STIM1: variants seen among roughly 807,000 people sequenced by gnomAD.
STIM1 encodes the protein stromal interaction molecule 1.
Under a neutral mutation model 74.7 loss-of-function variants are expected in STIM1, and 25 were observed. The observed-to-expected ratio is 0.33, with a 90% CI of 0.24 to 0.47. The LOEUF (loss-of-function observed/expected upper bound fraction) is 0.47. Ranked by LOEUF, STIM1 falls within the 20% of genes least tolerant of loss-of-function variation. The probability of loss-of-function intolerance (pLI) is 1.00; values close to 1 mark genes in which losing one functional copy is unlikely to be tolerated. For missense variants in STIM1, 728 were observed against 920.8 expected (o/e 0.79, Z 2.71); for synonymous variants, 328 against 348.8 (o/e 0.94, Z 0.66).
At chr11:3,911,649 A>C (rs1242513792) in intron 1 of STIM1, among the ~76,000 whole-genome samples, 1 of 151,736 alleles carries the variant, frequency 6.6e-6, no homozygotes, top group Non-Finnish European at 1.5e-5. Context: ...GGCCTCCCAC[A>C]GTGTTGGGTG....
At position 4,055,544 on chromosome 11, in the gene STIM1, A is replaced by G. The variant is rs2094281958; in HGVS notation, c.404A>G (p.Asp135Gly). 6.3e-7 allele frequency: 1 copy of G among 1,599,750 alleles called. No homozygotes were observed. Among genetic ancestry groups the G allele is most frequent in the Admixed American group, 1.7e-5 (1 of 58,308 alleles). Residue 135 changes from aspartate to glycine, a missense_variant, in exon 4 of 13, where the codon GAT becomes GGT. Around this residue, in one of 5 missense-constraint regions of STIM1, gnomAD observed 132 missense variants for 158.2 expected, o/e 0.83. Coordinates refer to ENST00000526596, the MANE Select transcript of STIM1 (RefSeq NM_001382567.1). ...TTCACAGTATACAATTGGACCGTGG[A>G]TGAGGTGGTACAGTGGCTGATCACA... Reference protein sequence around the residue: ...KSSEVYNWTVDEVVQWLITYV... With the variant: ...KSSEVYNWTVGEVVQWLITYV...
At chr11:3,989,355 C>G in intron 2 of STIM1, 1 of 799,530 alleles carries the variant, frequency 1.3e-6, no homozygotes, top group Non-Finnish European at 2.3e-6. Context: ...CCTTTTTCGG[C>G]TTCGCTTCCA....
At chr11:4,065,501 C>T (rs2094359791) in intron 5 of STIM1, among the ~76,000 whole-genome samples, 2 of 149,636 alleles carry the variant, frequency 1.3e-5, no homozygotes, top group Admixed American at 6.7e-5. Context: ...CAATATGTCT[C>T]TCTGCCTTTT....
chr11:4,033,300 C>A (rs1028536301), intron 3 of STIM1, among the ~76,000 whole-genome samples: 1 of 152,110 alleles, frequency 6.6e-6, no homozygotes, highest in Non-Finnish European at 1.5e-5. Flanking sequence ...GTGATGCCTC[C>A]GGCTTTGTTC....
At chr11:4,083,066 C>T in intron 9 of STIM1, 84 bp downstream of exon 9, 2 of 1,272,494 alleles carry the variant, frequency 1.6e-6, no homozygotes, top group South Asian at 2.4e-5. Flanking sequence ...ACACCAATTC[C>T]ATTTCCTCAT....
intron 1 of STIM1, among the ~76,000 whole-genome samples, chr11:3,964,816 G>A (rs148796416): frequency 6.6e-6 from 1 of 150,782 alleles, no homozygotes; most frequent in Non-Finnish European, 1.5e-5. Context: ...CCTCAGCCTC[G>A]TGGCCTCAAG....
intron 4 of STIM1, among the ~76,000 whole-genome samples, chr11:4,056,662 G>A (rs1021262937): frequency 1.3e-5 from 2 of 152,210 alleles, no homozygotes; most frequent in African/African-American, 4.8e-5. Flanking sequence ...TGCTGTCCAG[G>A]CCTAGCTGAG....
intron 5 of STIM1, among the ~76,000 whole-genome samples, chr11:4,069,177 A>G (rs913966064): frequency 1.3e-5 from 2 of 152,174 alleles, no homozygotes; most frequent in South Asian, 2.1e-4. Flanking sequence ...TACCAGGAAC[A>G]ATGTTAGTTC....
intron 3 of STIM1, among the ~76,000 whole-genome samples, chr11:4,049,324 A>ATT (rs369097214): frequency 0.012 from 1,649 of 133,828 alleles, 23 homozygotes; most frequent in Middle Eastern, 0.019. Context: ...TATCAGCTGG[A>ATT]TTTTTTTTTT....
At chr11:3,876,244 G>C (rs995067950) in intron 1 of STIM1, among the ~76,000 whole-genome samples, 1 of 152,164 alleles carries the variant, frequency 6.6e-6, no homozygotes, top group Non-Finnish European at 1.5e-5. Context: ...GGAAGCTTTT[G>C]GTTTAAGATA....
intron 3 of STIM1, among the ~76,000 whole-genome samples, chr11:4,038,954 C>A (rs1284913864): frequency 6.6e-6 from 1 of 152,104 alleles, no homozygotes; most frequent in Non-Finnish European, 1.5e-5. Context: ...AAAAATGTTA[C>A]AAGTAAATAC....
chr11:4,068,226 A>G (rs1031270195), intron 5 of STIM1, among the ~76,000 whole-genome samples: 2 of 152,208 alleles, frequency 1.3e-5, no homozygotes, highest in Admixed American at 6.5e-5. Flanking sequence ...GGGCAAAATA[A>G]TAGATCTGGT....
chr11:3,940,182 C>T lies in STIM1; in HGVS notation c.140-27370C>T, dbSNP rs1471825870. 3.3e-5 allele frequency among the ~76,000 whole-genome samples: 5 copies of T among 152,098 alleles called. No individual in the cohort carries two copies. The East Asian group carries it at 9.6e-4, about 29-fold the overall frequency. On this transcript the variant is annotated intron_variant, in intron 1 of 12. Transcript: ENST00000526596. Reference sequence around the variant, plus strand: ...ACAACAGTTCCGTCTTCTAGTGAGCCCAGACTTACCAATTTGGTTTGGCCA... The same window carrying T: ...ACAACAGTTCCGTCTTCTAGTGAGCTCAGACTTACCAATTTGGTTTGGCCA...
At chr11:4,074,832 C>T (rs1158744491) in intron 7 of STIM1, among the ~76,000 whole-genome samples, 153 bp downstream of exon 7, 4 of 152,106 alleles carry the variant, frequency 2.6e-5, no homozygotes, top group Non-Finnish European at 5.9e-5. Flanking sequence ...AATAAGAGTT[C>T]AAGTTGTAAA....
At chr11:3,994,463 C>CT (rs56255114) in intron 2 of STIM1, among the ~76,000 whole-genome samples, 7,049 of 134,324 alleles carry the variant, frequency 0.052, 602 homozygotes, top group African/African-American at 0.17. Flanking sequence ...CTTTTTCTTT[C>CT]TTTTTTTTTT....
At position 4,086,182 on chromosome 11, in the gene STIM1, C is replaced by T. The variant is rs79303381; in HGVS notation, c.1568-295C>T. The T allele has an allele frequency of 3.1e-4, 147 of 479,058 alleles. No individual in the cohort carries two copies. In the East Asian group the frequency reaches 5.7e-3, roughly 18 times the overall value. 29.7% of individuals were successfully genotyped at this position (479,058 alleles called of 1,614,324 possible). A position where few individuals can be genotyped will look rare whatever the true frequency, so the allele number is the denominator to read the frequency against. On this transcript the variant is annotated intron_variant, in intron 11 of 12. Transcript: ENST00000526596. ...ACCTTATCCCAAGCCCCTATCCTAC[C>T]CTTCCTTGCTTGTGTCTACCCACTA...
intron 2 of STIM1, among the ~76,000 whole-genome samples, chr11:3,969,253 G>A (rs180981945): frequency 6.6e-6 from 1 of 152,198 alleles, no homozygotes; most frequent in East Asian, 1.9e-4. Context: ...GGGAGGCCAA[G>A]GCAGGAGGAT....
intron 1 of STIM1, among the ~76,000 whole-genome samples, chr11:3,906,875 G>A (rs1382737889): frequency 2.6e-5 from 4 of 152,180 alleles, no homozygotes; most frequent in African/African-American, 7.2e-5. Flanking sequence ...TAGTACCATC[G>A]TATAGATAAG....
chr11:4,075,879 A>G (rs549715950), intron 7 of STIM1, among the ~76,000 whole-genome samples: 7 of 151,822 alleles, frequency 4.6e-5, no homozygotes, highest in Non-Finnish European at 8.8e-5. Context: ...TTAATTTTAA[A>G]CATTCTGGTA....
Sources: gnomAD v4.1 joint callset for allele counts (sites outside exome capture counted in the v4.1 genomes callset) on GRCh38, gnomAD v4.1.1 for gene constraint, gnomAD v4.1.1 regional missense constraint, MANE v1.5 for transcripts, NCBI Gene and HGNC (gene_info 2026-07-23, HGNC 2026-07-21) for gene names.